The following ACTL8 variants were observed in gnomAD, a reference collection of about 807,000 sequenced individuals.
ACTL8 encodes the protein actin like 8.
A neutral mutation model predicts 9.3 loss-of-function variants in ACTL8; 3 were observed. The observed-to-expected ratio is 0.32, with a 90% CI of 0.15 to 0.83. The LOEUF (loss-of-function observed/expected upper bound fraction) is 0.83. Ranked by LOEUF, ACTL8 falls within the 40% of genes least tolerant of loss-of-function variation. The probability of loss-of-function intolerance (pLI) is 0.57; values close to 1 mark genes in which losing one functional copy is unlikely to be tolerated. For missense variants in ACTL8, 381 were observed against 492.2 expected, an observed-to-expected ratio of 0.77 and a Z score of 2.14; for synonymous variants, 224 against 205.9, an observed-to-expected ratio of 1.09 and a Z score of -0.75.
chr1:17,774,427 T>G (rs1345538847), intron 1 of ACTL8, among the ~76,000 whole-genome samples: 1 of 149,240 alleles, frequency 6.7e-6, no homozygotes. Flanking sequence ...TATGTCAGAA[T>G]GGAATGGGGA....
intron 1 of ACTL8, among the ~76,000 whole-genome samples, chr1:17,815,608 G>A (rs1250374965): frequency 4.6e-5 from 7 of 152,096 alleles, no homozygotes; most frequent in Admixed American, 4.6e-4. Context: ...TTTAGCAGTT[G>A]GGTTATAATG....
intron 1 of ACTL8, among the ~76,000 whole-genome samples, chr1:17,772,914 A>G (rs922033452): frequency 6.6e-6 from 1 of 151,490 alleles, no homozygotes; most frequent in Non-Finnish European, 1.5e-5. Context: ...GAGGAAAGGA[A>G]AAAAAAAAGG....
intron 1 of ACTL8, among the ~76,000 whole-genome samples, chr1:17,820,137 A>G (rs1031352467): frequency 6.6e-6 from 1 of 152,188 alleles, no homozygotes; most frequent in Admixed American, 6.5e-5. Context: ...CATGGCCCCA[A>G]ATTCTGCCAT....
At position 17,814,423 on chromosome 1, in the gene ACTL8, ACT is replaced by A. The variant is rs2066411619; in HGVS notation, c.-24-8559_-24-8558del. On this transcript the variant is annotated intron_variant, in intron 1 of 2. Coordinates refer to ENST00000375406, the MANE Select transcript of ACTL8 (RefSeq NM_030812.3). ...CCATACCAGTTTGTAGCATAGCAAGACTCTATATCTACCAACAAAACAATACA... is the reference window on the plus strand; with the variant it reads ...CCATACCAGTTTGTAGCATAGCAAGACTATATCTACCAACAAAACAATACA... Among the ~76,000 whole-genome samples, 3 of 152,148 alleles carry A rather than the reference ACT, an allele frequency of 2.0e-5. No individual in the cohort carries two copies. The South Asian group carries it at 6.2e-4, about 32-fold the overall frequency.
At chr1:17,789,577 A>G (rs1414821856) in intron 1 of ACTL8, among the ~76,000 whole-genome samples, 1 of 152,140 alleles carries the variant, frequency 6.6e-6, no homozygotes, top group Non-Finnish European at 1.5e-5. Flanking sequence ...ACTGGCCCTC[A>G]ATACAGAGTT....
chr1:17,805,207 C>G (rs991081580), intron 1 of ACTL8, among the ~76,000 whole-genome samples: 1 of 152,052 alleles, frequency 6.6e-6, no homozygotes, highest in Admixed American at 6.6e-5. Context: ...CCCCAGATGT[C>G]TGTGTGCTTC....
intron 2 of ACTL8, among the ~76,000 whole-genome samples, chr1:17,824,271 T>C (rs902431209): frequency 1.3e-5 from 2 of 152,144 alleles, no homozygotes; most frequent in African/African-American, 4.8e-5. Context: ...TAAATAAAGT[T>C]TTATTGGAAC....
rs117954056 is a variant in ACTL8, at chr1:17,756,953, C to T, written c.-25+1449C>T. Among the ~76,000 whole-genome samples, 301 of 152,202 alleles carry T rather than the reference C, an allele frequency of 2.0e-3. 4 individuals are homozygous for T. In the East Asian group the frequency reaches 0.031, roughly 16 times the overall value. ...TGTCTTCAAGGAACCAGATACTATG[C>T]TCTATTTAAAACATACATAGGCAGG... On this transcript the variant is annotated intron_variant, in intron 1 of 2. Coordinates refer to ENST00000375406, the MANE Select transcript of ACTL8 (RefSeq NM_030812.3).
chr1:17,760,599 A>G (rs1000313484), intron 1 of ACTL8, among the ~76,000 whole-genome samples: 2 of 152,048 alleles, frequency 1.3e-5, no homozygotes, highest in Admixed American at 1.3e-4. Context: ...CCAAGAGCCC[A>G]GGGGGGTGGC....
At chr1:17,825,471 C>T (rs1023863478) in intron 2 of ACTL8, among the ~76,000 whole-genome samples, 3 of 152,160 alleles carry the variant, frequency 2.0e-5, no homozygotes, top group Non-Finnish European at 4.4e-5. Flanking sequence ...CCATGTTGCT[C>T]CTGCAGCCAG....
intron 1 of ACTL8, among the ~76,000 whole-genome samples, chr1:17,765,859 C>T (rs1372199134): frequency 2.0e-5 from 3 of 152,220 alleles, no homozygotes; most frequent in African/African-American, 7.2e-5. Flanking sequence ...TTCATTACAT[C>T]TGGCATGGGC....
chr1:17,786,046 G>T (rs969311747), intron 1 of ACTL8, among the ~76,000 whole-genome samples: 2 of 152,216 alleles, frequency 1.3e-5, no homozygotes, highest in Non-Finnish European at 2.9e-5. Context: ...TCTTGGCTGG[G>T]CCTGTCCTTG....
At chr1:17,820,170 C>A in intron 1 of ACTL8, among the ~76,000 whole-genome samples, 1 of 152,180 alleles carries the variant, frequency 6.6e-6, no homozygotes, top group East Asian at 1.9e-4. Context: ...CATCCCCTCT[C>A]ACCACCTGGC....
At position 17,792,621 on chromosome 1, in the gene ACTL8, T is replaced by TG. The variant is rs1464983742; in HGVS notation, c.-24-30360dup. 5.3e-5 allele frequency among the ~76,000 whole-genome samples: 8 copies of TG among 152,284 alleles called. 1 individual carries two copies. In the Middle Eastern group the frequency reaches 0.01, roughly 194 times the overall value. On this transcript the variant is annotated intron_variant, in intron 1 of 2. Coordinates refer to ENST00000375406, the MANE Select transcript of ACTL8 (RefSeq NM_030812.3). The stretch of plus-strand genomic sequence containing the variant: ...CTCTGCCGTTTGACCCCCACTCCCT[T>TG]GGGGCCCTGCTCATCCTGCCATTAC...
At position 17,826,276 on chromosome 1, in the gene ACTL8, C is replaced by G. The variant is rs201173044; in HGVS notation, c.858C>G (p.Ser286=). ...AATCCGTGGAGTCCTGCGAGATCTC[C>G]CTGCGCCCCCTGCTGGTCTCCCACG... The part of the protein sequence containing the change: ...IVESVESCEI[S]LRPLLVSHVM... The change falls in exon 3 of 3, where the codon TCC becomes TCG. Residue 286 remains serine (S), a synonymous_variant. Transcript: ENST00000375406. The surrounding 1 kb of genome is among the most constrained non-coding windows in gnomAD (Gnocchi z 4.5). 5.8e-5 allele frequency: 93 copies of G among 1,611,302 alleles called. No homozygotes were observed. The East Asian group carries it at 1.2e-3, about 21-fold the overall frequency.
chr1:17,776,719 C>T (rs1054004101), intron 1 of ACTL8, among the ~76,000 whole-genome samples: 10 of 152,082 alleles, frequency 6.6e-5, no homozygotes, highest in South Asian at 2.1e-4. Context: ...TAAATAAGGC[C>T]GATTCTAGCA....
At chr1:17,810,140 C>G (rs1174177047) in intron 1 of ACTL8, among the ~76,000 whole-genome samples, 2 of 152,210 alleles carry the variant, frequency 1.3e-5, no homozygotes, top group African/African-American at 4.8e-5. Flanking sequence ...TGCTTCCTTT[C>G]AGAGCAGAGC....
chr1:17,826,155 TGGA>T lies in ACTL8; in HGVS notation c.739_741del (p.Glu247del). On this transcript the variant is annotated inframe_deletion, in exon 3 of 3. Transcript: ENST00000375406. This position sits in a 1 kb window ranked among gnomAD's most constrained non-coding sequence, Gnocchi z 4.5. The stretch of plus-strand genomic sequence containing the variant: ...TATCAGCTCCCAGACGGCTCCCGCG[TGGA>T]GCTGACCCCCATGCAGCGGGTGGCT... The T allele has an allele frequency of 6.2e-7, 1 of 1,612,360 alleles. No individual in the cohort carries two copies. Among genetic ancestry groups the T allele is most frequent in the South Asian group, 1.1e-5 (1 of 91,072 alleles).
chr1:17,773,464 G>A (rs1421683296), intron 1 of ACTL8, among the ~76,000 whole-genome samples: 1 of 152,234 alleles, frequency 6.6e-6, no homozygotes, highest in Non-Finnish European at 1.5e-5. Context: ...ACAAATGCAG[G>A]CTCTTCTAAA....
Sources: allele counts gnomAD v4.1 joint callset (sites outside exome capture counted in the v4.1 genomes callset), GRCh38; gene constraint gnomAD v4.1.1; non-coding constraint Gnocchi (gnomAD v3.1); transcripts MANE v1.5; gene names NCBI Gene and HGNC (gene_info 2026-07-23, HGNC 2026-07-21).